PALS2: variants seen among roughly 807,000 people sequenced by gnomAD.
The protein encoded by PALS2 is protein PALS2.
PALS2 carries 27 observed loss-of-function variants against 61.6 expected under a neutral mutation model. The ratio of observed to expected loss-of-function variants is 0.44; its 90% CI spans 0.32 to 0.60. PALS2 has a LOEUF of 0.60. PALS2 is among the 20% of genes least tolerant of loss of function. PALS2 has a pLI of 0.05. For missense variants in PALS2, 554 were observed against 639.4 expected, an observed-to-expected ratio of 0.87 and a Z score of 1.44; for synonymous variants, 236 against 218.6, an observed-to-expected ratio of 1.08 and a Z score of -0.70.
At chr7:24,593,254 G>T (rs879776710) in intron 1 of PALS2, among the ~76,000 whole-genome samples, 7 of 151,942 alleles carry the variant, frequency 4.6e-5, no homozygotes, top group Non-Finnish European at 1.0e-4. Flanking sequence ...ACATCTTCAG[G>T]CTTCACTTCT....
chr7:24,633,147 T>A (rs931493465), intron 2 of PALS2, among the ~76,000 whole-genome samples: 9 of 150,962 alleles, frequency 6.0e-5, no homozygotes, highest in African/African-American at 2.2e-4. Flanking sequence ...TTATTTTACC[T>A]TTTTTTTCTC....
intron 1 of PALS2, among the ~76,000 whole-genome samples, chr7:24,577,116 C>G (rs1782669470): frequency 6.6e-6 from 1 of 152,078 alleles, no homozygotes; most frequent in Non-Finnish European, 1.5e-5. Context: ...TAGACTAATT[C>G]AAAGACCTTT....
At chr7:24,626,212 A>T (rs1055751703) in intron 2 of PALS2, among the ~76,000 whole-genome samples, 105 of 152,334 alleles carry the variant, frequency 6.9e-4, no homozygotes, top group African/African-American at 2.5e-3. Context: ...ATCTGAAATT[A>T]GTTCACTGAT....
intron 1 of PALS2, among the ~76,000 whole-genome samples, chr7:24,601,855 AT>A (rs1005662828): frequency 6.6e-6 from 1 of 151,890 alleles, no homozygotes; most frequent in Non-Finnish European, 1.5e-5. Context: ...TTGACACGTG[AT>A]TTTTTTCTTT....
Position 24,687,981 on chromosome 7 carries a change from T to C in PALS2, c.*367T>C, listed in dbSNP as rs1418259657. ...CTCATATTTTCACTGTGATAATGAATATTACTTGAAATAGTTTTGTAAAGC... is the reference window on the plus strand; with the variant it reads ...CTCATATTTTCACTGTGATAATGAACATTACTTGAAATAGTTTTGTAAAGC... On this transcript the variant is annotated 3_prime_UTR_variant, in exon 12 of 12. Coordinates refer to ENST00000222644, the MANE Select transcript of PALS2 (RefSeq NM_001303037.2). The surrounding 1 kb of genome is among the most constrained non-coding windows in gnomAD (Gnocchi z 4.5). 6.3e-6 allele frequency: 1 copy of C among 158,032 alleles called. No individual in the cohort carries two copies. Among genetic ancestry groups the C allele is most frequent in the Admixed American group, 6.5e-5 (1 of 15,424 alleles). The allele number at this position is 158,032 out of a possible 1,614,324, so 9.8% of individuals were successfully genotyped here. A position where few individuals can be genotyped will look rare whatever the true frequency, so the allele number is the denominator to read the frequency against.
At position 24,671,951 on chromosome 7, in the gene PALS2, T is replaced by C. The variant is rs555779190; in HGVS notation, c.1114+3291T>C. ...TTGTCTCGATTACTGTATATTTGTA[T>C]TAAGTTTCAAAACCAGGAATTGTGA... On this transcript the variant is annotated intron_variant, in intron 9 of 11. Transcript: ENST00000222644. Among the ~76,000 whole-genome samples, 3 of 151,964 alleles carry C rather than the reference T, an allele frequency of 2.0e-5. No individual in the cohort carries two copies. The South Asian group carries it at 6.2e-4, about 32-fold the overall frequency.
chr7:24,654,683 G>T lies in PALS2; in HGVS notation c.651+3971G>T, dbSNP rs551364008. 1.1e-4 allele frequency among the ~76,000 whole-genome samples: 16 copies of T among 152,284 alleles called. No individual in the cohort carries two copies. In the South Asian group the frequency reaches 3.1e-3, roughly 30 times the overall value. On this transcript the variant is annotated intron_variant, in intron 5 of 11. Coordinates refer to ENST00000222644, the MANE Select transcript of PALS2 (RefSeq NM_001303037.2). The stretch of plus-strand genomic sequence containing the variant: ...TTGATTTTTCACTCATTAACTTGTA[G>T]ATTTAATGGAATTCCAGTCAAAACA...
At chr7:24,685,218 G>C (rs1385922830) in intron 11 of PALS2, among the ~76,000 whole-genome samples, 1 of 152,062 alleles carries the variant, frequency 6.6e-6, no homozygotes, top group Non-Finnish European at 1.5e-5. Flanking sequence ...TAAAGCCACT[G>C]AAATAATTCC....
chr7:24,576,880 A>G (rs1486263022), intron 1 of PALS2, among the ~76,000 whole-genome samples: 1 of 152,220 alleles, frequency 6.6e-6, no homozygotes, highest in East Asian at 1.9e-4. Flanking sequence ...TTCCTTTATC[A>G]TAGTCATATA....
chr7:24,582,920 C>T (rs1331867327), intron 1 of PALS2, among the ~76,000 whole-genome samples: 1 of 100,602 alleles, frequency 9.9e-6, no homozygotes, highest in Non-Finnish European at 1.8e-5. Context: ...GAGACAGAGT[C>T]TTGCTCTGTC....
At chr7:24,615,919 T>C (rs953030542) in intron 1 of PALS2, among the ~76,000 whole-genome samples, 4 of 152,080 alleles carry the variant, frequency 2.6e-5, no homozygotes. Flanking sequence ...TCAATAAATG[T>C]GACTCATGAA....
intron 5 of PALS2, among the ~76,000 whole-genome samples, chr7:24,660,876 A>T (rs919106159): frequency 2.0e-5 from 3 of 152,252 alleles, no homozygotes; most frequent in Non-Finnish European, 4.4e-5. Flanking sequence ...CTTTTGTAGA[A>T]TGTTATAAAA....
At chr7:24,650,354 G>A (rs1393385857) in intron 4 of PALS2, 131 bp from the exon 5 acceptor site, 3 of 750,068 alleles carry the variant, frequency 4.0e-6, no homozygotes, top group Admixed American at 3.1e-5. Context: ...TATTGAGACA[G>A]GAGAGAACAT....
chr7:24,630,262 G>A (rs762998306), intron 2 of PALS2, among the ~76,000 whole-genome samples: 1 of 152,060 alleles, frequency 6.6e-6, no homozygotes. Context: ...TCTTTTAAGT[G>A]GGTGTAAGTT....
chr7:24,573,469 C>A lies in PALS2; in HGVS notation c.-127C>A. On this transcript the variant is annotated 5_prime_UTR_variant, in exon 1 of 12. Coordinates refer to ENST00000222644, the MANE Select transcript of PALS2 (RefSeq NM_001303037.2). The surrounding 1 kb of genome is among the most constrained non-coding windows in gnomAD (Gnocchi z 5.3). Reference sequence around the variant, plus strand: ...TGAGAGACGCATTTCCAGTTCTCAACTACGAGCCACGAGTTTGCAGATGGG... The same window carrying A: ...TGAGAGACGCATTTCCAGTTCTCAAATACGAGCCACGAGTTTGCAGATGGG... The A allele has an allele frequency of 2.6e-6, 1 of 382,942 alleles. No homozygotes were observed. The highest frequency in any genetic ancestry group is 3.7e-5 in the East Asian group (1 of 27,226). 23.7% of individuals were successfully genotyped at this position (382,942 alleles called of 1,614,324 possible). A position where few individuals can be genotyped will look rare whatever the true frequency, so the allele number is the denominator to read the frequency against.
At chr7:24,578,959 A>AT (rs1172293001) in intron 1 of PALS2, among the ~76,000 whole-genome samples, 38 of 152,358 alleles carry the variant, frequency 2.5e-4, no homozygotes, top group African/African-American at 9.1e-4. Flanking sequence ...ATTGAGGAAG[A>AT]TAAAATATAT....
chr7:24,632,829 ATT>A (rs1221508730), intron 2 of PALS2, among the ~76,000 whole-genome samples: 3 of 151,588 alleles, frequency 2.0e-5, no homozygotes, highest in Non-Finnish European at 4.4e-5. Flanking sequence ...TCTCTCACTC[ATT>A]TTGTTTTCTC....
chr7:24,592,042 C>T (rs1403629249), intron 1 of PALS2, among the ~76,000 whole-genome samples: 4 of 151,864 alleles, frequency 2.6e-5, no homozygotes, highest in South Asian at 2.1e-4. Context: ...GTATGAGAGC[C>T]GAAACAAGAA....
At chr7:24,615,952 A>G (rs984295733) in intron 1 of PALS2, among the ~76,000 whole-genome samples, 1 of 152,214 alleles carries the variant, frequency 6.6e-6, no homozygotes, top group Non-Finnish European at 1.5e-5. Flanking sequence ...TAAAAACCAC[A>G]TAATCATCTC....
Sources: gnomAD v4.1 joint callset for allele counts (sites outside exome capture counted in the v4.1 genomes callset) on GRCh38, gnomAD v4.1.1 for gene constraint, Gnocchi (gnomAD v3.1) non-coding constraint, MANE v1.5 for transcripts, NCBI Gene and HGNC (gene_info 2026-07-23, HGNC 2026-07-21) for gene names.